Variants in CREB1 observed in about 807,000 individuals in gnomAD.
CREB1 encodes cyclic AMP-responsive element-binding protein 1.
A neutral mutation model predicts 42.0 loss-of-function variants in CREB1; 2 were observed. The observed-to-expected ratio is 0.05, with a 90% CI of 0.02 to 0.15. CREB1 has a LOEUF of 0.15. Among genes scored for constraint, CREB1 ranks in the 10% least tolerant of loss-of-function variants. CREB1 has a pLI of 1.00. For missense variants in CREB1, 199 were observed against 388.9 expected, an observed-to-expected ratio of 0.51 and a Z score of 4.11; for synonymous variants, 123 against 139.9, an observed-to-expected ratio of 0.88 and a Z score of 0.85.
At chr2:207,542,929 C>T (rs1022124395) in intron 1 of CREB1, among the ~76,000 whole-genome samples, 4 of 152,074 alleles carry the variant, frequency 2.6e-5, no homozygotes, top group South Asian at 2.1e-4. Flanking sequence ...AGATGAAAAT[C>T]GAGAAATAAT....
chr2:207,546,453 G>T (rs930227266), intron 1 of CREB1, among the ~76,000 whole-genome samples: 1 of 152,160 alleles, frequency 6.6e-6, no homozygotes, highest in African/African-American at 2.4e-5. Flanking sequence ...TAGGCTGGGC[G>T]CAGTGGCTCA....
chr2:207,562,813 A>G (rs2082005115), intron 3 of CREB1, among the ~76,000 whole-genome samples: 1 of 152,202 alleles, frequency 6.6e-6, no homozygotes, highest in African/African-American at 2.4e-5. Context: ...TTTCCAAAAT[A>G]TACAAGGTAC....
chr2:207,550,074 T>C (rs1193290766), intron 1 of CREB1, among the ~76,000 whole-genome samples: 1 of 152,168 alleles, frequency 6.6e-6, no homozygotes, highest in Non-Finnish European at 1.5e-5. Context: ...TAATTATGTA[T>C]CACATGTAGG....
At chr2:207,552,881 G>T (rs1347335354) in intron 1 of CREB1, among the ~76,000 whole-genome samples, 3 of 152,054 alleles carry the variant, frequency 2.0e-5, no homozygotes, top group Non-Finnish European at 4.4e-5. Context: ...CTCCCCAAGT[G>T]CTGGGATTAC....
chr2:207,535,193 C>T (rs1428470142), intron 1 of CREB1, among the ~76,000 whole-genome samples: 1 of 152,098 alleles, frequency 6.6e-6, no homozygotes, highest in Admixed American at 6.6e-5. Flanking sequence ...TTTAAAGTCC[C>T]TCATTTCCTG....
At chr2:207,584,551 C>T (rs2083476798) in intron 7 of CREB1, among the ~76,000 whole-genome samples, 1 of 152,098 alleles carries the variant, frequency 6.6e-6, no homozygotes. Context: ...ATTACAGGCA[C>T]CTGCCACCAC....
At chr2:207,553,017 T>C (rs1470317698) in intron 1 of CREB1, among the ~76,000 whole-genome samples, 6 of 151,906 alleles carry the variant, frequency 3.9e-5, no homozygotes, top group Admixed American at 6.6e-5. Flanking sequence ...TGTTTTTATA[T>C]GCCATTTTCT....
At chr2:207,570,369 G>A in intron 5 of CREB1, 48 bp downstream of exon 5, 1 of 1,512,460 alleles carries the variant, frequency 6.6e-7, no homozygotes, top group Non-Finnish European at 8.9e-7. Flanking sequence ...AAAAAAGTGA[G>A]GAGAAAAAGC....
At chr2:207,550,207 C>T (rs937880404) in intron 1 of CREB1, 1 of 152,058 alleles carries the variant, frequency 6.6e-6, no homozygotes, top group African/African-American at 2.4e-5. Flanking sequence ...ACCCTGGAGA[C>T]TTTGGAGTTC....
In CREB1 at chr2:207,563,108, G is replaced by C. The variant is rs553961972; in HGVS notation, c.261+2736G>C. 2.8e-4 allele frequency among the ~76,000 whole-genome samples: 43 copies of C among 152,274 alleles called. 2 individuals carry two copies. The South Asian group carries it at 8.9e-3, about 32-fold the overall frequency. ...AAGGGTGTTCTACTTTATGTAATGTGCTCAGGGAACACAGCACAGACCAGA... is the reference window on the plus strand; with the variant it reads ...AAGGGTGTTCTACTTTATGTAATGTCCTCAGGGAACACAGCACAGACCAGA... On this transcript the variant is annotated intron_variant, in intron 3 of 7. Coordinates refer to ENST00000353267, the MANE Select transcript of CREB1 (RefSeq NM_004379.5).
At chr2:207,576,655 T>C in intron 6 of CREB1, 1 of 1,291,926 alleles carries the variant, frequency 7.7e-7, no homozygotes, top group Non-Finnish European at 1.0e-6. Flanking sequence ...TAAAGCAGGA[T>C]GTCAGTGAAT....
chr2:207,574,398 A>T (rs938049108), intron 5 of CREB1, among the ~76,000 whole-genome samples: 1 of 152,232 alleles, frequency 6.6e-6, no homozygotes, highest in Non-Finnish European at 1.5e-5. Context: ...CCACCTATCT[A>T]AAAATGCTTC....
intron 7 of CREB1, chr2:207,581,313 T>C (rs1183688830): frequency 2.0e-5 from 4 of 197,542 alleles, no homozygotes; most frequent in South Asian, 1.9e-4. Context: ...GTATTTGATA[T>C]GAATTAAAAT....
chr2:207,597,954 A>G lies in CREB1; in HGVS notation c.*896A>G, dbSNP rs2086441718. 5.4e-6 allele frequency: 1 copy of G among 184,862 alleles called. No homozygotes were observed. Among genetic ancestry groups the G allele is most frequent in the African/African-American group, 2.3e-5 (1 of 42,650 alleles). 11.5% of individuals were successfully genotyped at this position (184,862 alleles called of 1,614,324 possible). A position where few individuals can be genotyped will look rare whatever the true frequency, so the allele number is the denominator to read the frequency against. ...ATAAATGTTATTGTCCTCACCTTCAAAAATATTTATATTGTCACTCATTTA... is the reference window on the plus strand; with the variant it reads ...ATAAATGTTATTGTCCTCACCTTCAGAAATATTTATATTGTCACTCATTTA... On this transcript the variant is annotated 3_prime_UTR_variant, in exon 8 of 8. Coordinates refer to ENST00000353267, the MANE Select transcript of CREB1 (RefSeq NM_004379.5).
At position 207,605,110 on chromosome 2, in the gene CREB1, T is replaced by G. The variant is rs528261436; in HGVS notation, c.*8052T>G. On this transcript the variant is annotated 3_prime_UTR_variant, in exon 8 of 8. Coordinates refer to ENST00000353267, the MANE Select transcript of CREB1 (RefSeq NM_004379.5). ...CTGGGAGTGGAGTTGCTGGGTCATG[T>G]TGAAATCGCACATTTAACTTTTTGA... is the stretch of plus-strand genomic sequence containing the variant. Among the ~76,000 whole-genome samples, 1 of 152,202 alleles carries G rather than the reference T, an allele frequency of 6.6e-6. No homozygotes were observed. Among genetic ancestry groups the G allele is most frequent in the Admixed American group, 6.5e-5 (1 of 15,276 alleles).
chr2:207,590,087 T>TTTG (rs2084702539), intron 7 of CREB1, among the ~76,000 whole-genome samples: 1 of 95,522 alleles, frequency 1.0e-5, no homozygotes, highest in African/African-American at 3.4e-5. Flanking sequence ...TGAGAAGTTT[T>TTTG]TTTTTTTTTT....
At position 207,539,595 on chromosome 2, in the gene CREB1, G is replaced by A. The variant is rs1044444203; in HGVS notation, c.-9+9461G>A. ...TGTTCTAGTTGATATAAGCAATAAA[G>A]CCTGACTATATGGCTCCTACCCTCA... is the stretch of plus-strand genomic sequence containing the variant. On this transcript the variant is annotated intron_variant, in intron 1 of 7. Transcript: ENST00000353267. Among the ~76,000 whole-genome samples the A allele has an allele frequency of 5.9e-5, 9 of 152,270 alleles. No homozygotes were observed. In the East Asian group the frequency reaches 1.7e-3, roughly 29 times the overall value.
At chr2:207,567,380 T>G (rs1456314133) in intron 3 of CREB1, 83 bp from the exon 4 acceptor site, 2 of 939,004 alleles carry the variant, frequency 2.1e-6, no homozygotes, top group Non-Finnish European at 3.2e-6. Context: ...ATAAAGTTTA[T>G]ATATGACTTT....
At chr2:207,532,276 T>G (rs1363767270) in intron 1 of CREB1, among the ~76,000 whole-genome samples, 1 of 148,814 alleles carries the variant, frequency 6.7e-6, no homozygotes, top group African/African-American at 2.5e-5. Flanking sequence ...TGAATTGAGA[T>G]CGTGCCATGC....
Sources: gnomAD v4.1 joint callset for allele counts (sites outside exome capture counted in the v4.1 genomes callset) on GRCh38, gnomAD v4.1.1 for gene constraint, MANE v1.5 for transcripts, NCBI Gene and HGNC (gene_info 2026-07-23, HGNC 2026-07-21) for gene names.